GALNT10: variants seen among roughly 807,000 people sequenced by gnomAD.
GALNT10 encodes GalNAc transferase 10.
A neutral mutation model predicts 75.0 loss-of-function variants in GALNT10; 41 were observed. The ratio of observed to expected loss-of-function variants is 0.55; its 90% confidence interval spans 0.43 to 0.71. The LOEUF (loss-of-function observed/expected upper bound fraction) is 0.71. GALNT10 is among the 30% of genes least tolerant of loss of function. GALNT10 has a pLI of 0.00. For synonymous variants in GALNT10, 302 were observed against 313.0 expected, an observed-to-expected ratio of 0.96 and a Z score of 0.37; for missense variants, 727 against 818.5, an observed-to-expected ratio of 0.89 and a Z score of 1.36.
chr5:154,191,900 T>TTCTGCCTCCTTTGA (rs1774866347), intron 1 of GALNT10, among the ~76,000 whole-genome samples: 1 of 152,246 alleles, frequency 6.6e-6, no homozygotes, highest in African/African-American at 2.4e-5. Context: ...CCTTTGAACT[T>TTCTGCCTCCTTTGA]ACCCACGTAT....
chr5:154,385,250 A>G (rs1755791385), intron 6 of GALNT10, among the ~76,000 whole-genome samples: 1 of 152,126 alleles, frequency 6.6e-6, no homozygotes, highest in Non-Finnish European at 1.5e-5. Context: ...GTTGGCCCCT[A>G]CCAGGTGCCA....
At chr5:154,256,096 A>T (rs1303371483) in intron 1 of GALNT10, among the ~76,000 whole-genome samples, 1 of 152,086 alleles carries the variant, frequency 6.6e-6, no homozygotes, top group Non-Finnish European at 1.5e-5. Flanking sequence ...CAAGGTAGAC[A>T]AAAACAGATC....
At chr5:154,302,322 C>T (rs975505701) in intron 3 of GALNT10, among the ~76,000 whole-genome samples, 6 of 152,260 alleles carry the variant, frequency 3.9e-5, no homozygotes, top group South Asian at 2.1e-4. Flanking sequence ...AGAACGGAAG[C>T]GAGGCAGTTT....
At chr5:154,338,144 G>A (rs2113127489) in intron 4 of GALNT10, 2 of 877,222 alleles carry the variant, frequency 2.3e-6, no homozygotes, top group Admixed American at 3.4e-5. Context: ...TGGTCTTTGA[G>A]AATCGCCTCT....
chr5:154,407,306 T>A (rs1220239225), intron 8 of GALNT10, among the ~76,000 whole-genome samples: 1 of 152,140 alleles, frequency 6.6e-6, no homozygotes, highest in Non-Finnish European at 1.5e-5. Flanking sequence ...CCTTTTTATG[T>A]CTCTAACAAG....
chr5:154,359,179 C>A (rs148469772), intron 4 of GALNT10, among the ~76,000 whole-genome samples: 1 of 152,272 alleles, frequency 6.6e-6, no homozygotes, highest in Non-Finnish European at 1.5e-5. Context: ...ACCATTAACG[C>A]CATGGTAAAC....
At chr5:154,415,972 T>A (rs1263367779) in intron 11 of GALNT10, 40 bp downstream of exon 11, 2 of 1,600,602 alleles carry the variant, frequency 1.2e-6, no homozygotes, top group Non-Finnish European at 1.7e-6. Flanking sequence ...CCTGCTTAAT[T>A]TTTTTTTAAG....
At chr5:154,253,115 C>T (rs1279888996) in intron 1 of GALNT10, among the ~76,000 whole-genome samples, 1 of 149,340 alleles carries the variant, frequency 6.7e-6, no homozygotes, top group African/African-American at 2.5e-5. Context: ...TTTTAACTTA[C>T]GTCGTATACC....
intron 1 of GALNT10, among the ~76,000 whole-genome samples, chr5:154,271,643 C>A (rs942420333): frequency 1.3e-5 from 2 of 152,168 alleles, no homozygotes; most frequent in African/African-American, 4.8e-5. Flanking sequence ...GTCTATAAAT[C>A]TTGCATCTTT....
At chr5:154,236,569 G>A (rs891625941) in intron 1 of GALNT10, among the ~76,000 whole-genome samples, 9 of 152,186 alleles carry the variant, frequency 5.9e-5, no homozygotes, top group Non-Finnish European at 1.3e-4. Context: ...CCACTTGAAA[G>A]CAGATTTCAT....
chr5:154,238,661 C>A (rs79805698), intron 1 of GALNT10, among the ~76,000 whole-genome samples: 2,733 of 152,228 alleles, frequency 0.018, 62 homozygotes, highest in African/African-American at 0.062. Flanking sequence ...CGCAGAGCTG[C>A]ACAGAGGCTG....
intron 1 of GALNT10, among the ~76,000 whole-genome samples, chr5:154,209,012 G>A (rs1193883642): frequency 1.3e-5 from 2 of 152,188 alleles, no homozygotes; most frequent in Non-Finnish European, 2.9e-5. Flanking sequence ...TGCCTGCTAG[G>A]GTGCTGGAGG....
At chr5:154,265,763 T>C (rs1303960578) in intron 1 of GALNT10, among the ~76,000 whole-genome samples, 1 of 152,162 alleles carries the variant, frequency 6.6e-6, no homozygotes, top group Admixed American at 6.6e-5. Context: ...ATGAAGCACC[T>C]ACCCCAGTTT....
chr5:154,240,430 G>A (rs543471997), intron 1 of GALNT10, among the ~76,000 whole-genome samples: 2 of 152,172 alleles, frequency 1.3e-5, no homozygotes, highest in Non-Finnish European at 2.9e-5. Flanking sequence ...ATAATCCCAG[G>A]TTAGAGTACT....
intron 4 of GALNT10, among the ~76,000 whole-genome samples, chr5:154,360,614 T>C (rs924842081): frequency 6.6e-6 from 1 of 152,210 alleles, no homozygotes; most frequent in Non-Finnish European, 1.5e-5. Flanking sequence ...AGTATATGTG[T>C]GTAAACATAT....
chr5:154,343,262 A>G (rs577344270), intron 4 of GALNT10, among the ~76,000 whole-genome samples: 36 of 152,294 alleles, frequency 2.4e-4, no homozygotes, highest in Non-Finnish European at 4.3e-4. Flanking sequence ...CTCAAGAGAT[A>G]TTTGATGAGA....
chr5:154,294,969 C>A (rs1362637695), intron 2 of GALNT10, 51 bp downstream of exon 2: 2 of 853,446 alleles, frequency 2.3e-6, no homozygotes, highest in East Asian at 2.4e-5. Flanking sequence ...GGCATATGCA[C>A]ATATGCTTGT....
At chr5:154,238,215 G>C (rs1419533308) in intron 1 of GALNT10, among the ~76,000 whole-genome samples, 1 of 151,860 alleles carries the variant, frequency 6.6e-6, no homozygotes, top group Non-Finnish European at 1.5e-5. Flanking sequence ...CTCACACCAG[G>C]CTTTTCTGTT....
chr5:154,229,602 G>A (rs1288133259), intron 1 of GALNT10, among the ~76,000 whole-genome samples: 6 of 151,820 alleles, frequency 4.0e-5, no homozygotes, highest in East Asian at 1.9e-4. Flanking sequence ...GCATGGTGGC[G>A]GGTGCCTGTA....
Sources: gnomAD v4.1 joint callset for allele counts (sites outside exome capture counted in the v4.1 genomes callset) on GRCh38, gnomAD v4.1.1 for gene constraint, MANE v1.5 for transcripts, NCBI Gene and HGNC (gene_info 2026-07-23, HGNC 2026-07-21) for gene names.